ZNF714: variants seen among roughly 807,000 people sequenced by gnomAD.
The protein encoded by ZNF714 is zinc finger protein 714.
Under a neutral mutation model 46.2 loss-of-function variants are expected in ZNF714, and 32 were observed. That is an observed-to-expected ratio of 0.69 (90% confidence interval 0.52 to 0.93). ZNF714 has a LOEUF of 0.93. ZNF714 is among the 40% of genes least tolerant of loss of function. ZNF714 has a pLI of 0.00. For missense variants in ZNF714, 635 were observed against 646.3 expected, an observed-to-expected ratio of 0.98 and a Z score of 0.19; for synonymous variants, 199 against 213.1, an observed-to-expected ratio of 0.93 and a Z score of 0.58.
chr19:21,097,827 T>C (rs1969080346), intron 2 of ZNF714, among the ~76,000 whole-genome samples: 1 of 151,958 alleles, frequency 6.6e-6, no homozygotes, highest in African/African-American at 2.4e-5. Context: ...ATTGTACATA[T>C]TTAAATTTGA....
intron 4 of ZNF714, among the ~76,000 whole-genome samples, chr19:21,111,834 A>G (rs1480509417): frequency 6.6e-6 from 1 of 152,150 alleles, no homozygotes; most frequent in Non-Finnish European, 1.5e-5. Context: ...ATCTATTGAG[A>G]TAATCGTGTG....
At chr19:21,085,544 C>T (rs376373622) in intron 2 of ZNF714, among the ~76,000 whole-genome samples, 58 of 152,354 alleles carry the variant, frequency 3.8e-4, no homozygotes, top group African/African-American at 1.3e-3. Flanking sequence ...TTTTCAAACA[C>T]GTAGTTTCAA....
intron 4 of ZNF714, among the ~76,000 whole-genome samples, chr19:21,102,828 G>A (rs544620595): frequency 1.3e-4 from 20 of 152,142 alleles, no homozygotes; most frequent in East Asian, 1.2e-3. Flanking sequence ...TCATGTTAGT[G>A]TTTTTTCAGT....
rs758421208 is a variant in ZNF714 at position 21,098,222 on chromosome 19, C to T, written c.-47C>T. ...TTTAGGGATGTGGCCATAGAATTCT[C>T]TCTGGAGGAGTGGGAATGCCTGAAC... is the stretch of plus-strand genomic sequence containing the variant. On this transcript the variant is annotated 5_prime_UTR_variant, in exon 3 of 5. Transcript: ENST00000456283. The T allele has an allele frequency of 1.2e-6, 2 of 1,612,678 alleles. No homozygotes were observed. Among genetic ancestry groups the T allele is most frequent in the Non-Finnish European group, 1.7e-6 (2 of 1,179,730 alleles).
intron 2 of ZNF714, among the ~76,000 whole-genome samples, chr19:21,086,067 A>G (rs1463245867): frequency 6.6e-6 from 1 of 152,176 alleles, no homozygotes; most frequent in East Asian, 1.9e-4. Flanking sequence ...TAAATCAGAG[A>G]ATGTTTTACC....
At chr19:21,116,746 T>A in intron 4 of ZNF714, 61 bp from the exon 5 acceptor site, 1 of 1,507,720 alleles carries the variant, frequency 6.6e-7, no homozygotes, top group Non-Finnish European at 8.8e-7. Flanking sequence ...AGGTTAGATT[T>A]GTAAAGTATG....
chr19:21,108,986 A>T (rs1048908461), intron 4 of ZNF714, among the ~76,000 whole-genome samples: 4 of 152,180 alleles, frequency 2.6e-5, no homozygotes, highest in African/African-American at 9.7e-5. Context: ...AAATTGACCC[A>T]TTTGACCATT....
chr19:21,107,335 G>C (rs1362448485), intron 4 of ZNF714, among the ~76,000 whole-genome samples: 1 of 152,082 alleles, frequency 6.6e-6, no homozygotes, highest in Non-Finnish European at 1.5e-5. Context: ...CGCCTCCCGG[G>C]TTCAAGCAAT....
At chr19:21,082,819 G>A (rs1457375650) in intron 1 of ZNF714, among the ~76,000 whole-genome samples, 2 of 152,158 alleles carry the variant, frequency 1.3e-5, no homozygotes, top group Non-Finnish European at 2.9e-5. Flanking sequence ...TGTAATTTAT[G>A]GTTTATGGGC....
chr19:21,113,609 C>T (rs1361643189), intron 4 of ZNF714, among the ~76,000 whole-genome samples: 3 of 151,486 alleles, frequency 2.0e-5, no homozygotes, highest in African/African-American at 4.9e-5. Context: ...CAGGTTCAAG[C>T]GATTCTCCTG....
At chr19:21,084,728 A>G (rs1355073960) in intron 2 of ZNF714, among the ~76,000 whole-genome samples, 2 of 134,822 alleles carry the variant, frequency 1.5e-5, no homozygotes, top group African/African-American at 5.7e-5. Context: ...TTTTTGAGAC[A>G]GTTTCACTCT....
At chr19:21,095,358 C>T (rs1235763141) in intron 2 of ZNF714, among the ~76,000 whole-genome samples, 2 of 152,310 alleles carry the variant, frequency 1.3e-5, no homozygotes, top group African/African-American at 4.8e-5. Context: ...TTGACCTCCA[C>T]GTTCTCACCA....
chr19:21,082,693 T>TA (rs1968683765), intron 1 of ZNF714, among the ~76,000 whole-genome samples: 1 of 84,850 alleles, frequency 1.2e-5, no homozygotes, highest in Non-Finnish European at 2.9e-5. Context: ...GGTTTATGAA[T>TA]GGGTCCGTGG....
chr19:21,113,496 T>C (rs1969510709), intron 4 of ZNF714, among the ~76,000 whole-genome samples: 1 of 136,670 alleles, frequency 7.3e-6, no homozygotes, highest in African/African-American at 2.6e-5. Context: ...CAATTTTTTT[T>C]CTTTTCTTTT....
chr19:21,083,559 C>T (rs1408701758), intron 1 of ZNF714, among the ~76,000 whole-genome samples: 1 of 152,154 alleles, frequency 6.6e-6, no homozygotes, highest in Non-Finnish European at 1.5e-5. Context: ...TCCCTAATGC[C>T]AGCTTTTCCT....
At chr19:21,100,103 C>G (rs974587822) in intron 4 of ZNF714, among the ~76,000 whole-genome samples, 1 of 152,186 alleles carries the variant, frequency 6.6e-6, no homozygotes, top group Non-Finnish European at 1.5e-5. Context: ...ATCCGCCCAC[C>G]TTGGCCTCCC....
In ZNF714 at chr19:21,122,879, G is replaced by A. The variant is rs1292112050; in HGVS notation, c.*4547G>A. The A allele has an allele frequency of 6.6e-6, 1 of 152,126 alleles. No individual in the cohort carries two copies. Among genetic ancestry groups the A allele is most frequent in the African/African-American group, 2.4e-5 (1 of 41,438 alleles). 9.4% of individuals were successfully genotyped at this position (152,126 alleles called of 1,614,324 possible). ...ATTAGTTAATTAAGATAAAAGCCAG[G>A]TGTGGTGGCTCACGCCTCTAATCCC... On this transcript the variant is annotated 3_prime_UTR_variant, in exon 5 of 5. Transcript: ENST00000456283.
chr19:21,097,563 T>G (rs991441786), intron 2 of ZNF714, among the ~76,000 whole-genome samples: 1 of 151,186 alleles, frequency 6.6e-6, no homozygotes, highest in Non-Finnish European at 1.5e-5. Flanking sequence ...CACCTGCCCT[T>G]TTTTCTTAGG....
rs1969607694 is a variant in ZNF714, at chr19:21,116,891, G to A, written c.227G>A (p.Gly76Asp). Residue 76 changes from glycine to aspartate, a missense_variant, in exon 5 of 5, where the codon GGC (glycine) becomes GAC (aspartate). Gly to Asp is a moderately conservative substitution (Grantham distance 94). Coordinates refer to ENST00000456283, the MANE Select transcript of ZNF714 (RefSeq NM_182515.4). ...SFQQVILRRH[G>D]KCEHENLQLR... ...CAACAAGTGATACTGAGAAGACATG[G>A]CAAATGTGAACATGAGAATTTACAG... 1 of 1,613,736 alleles carries A rather than the reference G, an allele frequency of 6.2e-7. No homozygotes were observed.
Sources: gnomAD v4.1 joint callset for allele counts (sites outside exome capture counted in the v4.1 genomes callset) on GRCh38, gnomAD v4.1.1 for gene constraint, MANE v1.5 for transcripts, NCBI Gene and HGNC (gene_info 2026-07-23, HGNC 2026-07-21) for gene names.